The following HABP2 variants were observed in gnomAD, a reference collection of about 807,000 sequenced individuals.
HABP2 encodes the protein hyaluronan binding protein 2, also known as factor VII-activating protease.
Under a neutral mutation model 66.5 loss-of-function variants are expected in HABP2, and 65 were observed. The ratio of observed to expected loss-of-function variants is 0.98; its 90% CI spans 0.80 to 1.20. HABP2 has a LOEUF of 1.20. Among genes scored for constraint, HABP2 ranks in the 50% most tolerant of loss-of-function variants. HABP2 has a pLI of 0.00. For synonymous variants in HABP2, 263 were observed against 253.9 expected (o/e 1.04, Z -0.34); for missense variants, 786 against 691.0 (o/e 1.14, Z -1.54).
chr10:113,587,674 T>C (rs1356516825), intron 12 of HABP2, among the ~76,000 whole-genome samples: 1 of 152,184 alleles, frequency 6.6e-6, no homozygotes, highest in Non-Finnish European at 1.5e-5. Flanking sequence ...GGGTTTAATA[T>C]GAACCAGGCA....
At chr10:113,566,972 T>A (rs1232197949) in intron 1 of HABP2, among the ~76,000 whole-genome samples, 2 of 152,146 alleles carry the variant, frequency 1.3e-5, no homozygotes, top group Non-Finnish European at 2.9e-5. Flanking sequence ...GTTTTAAGCA[T>A]CTGTCCATCC....
chr10:113,581,800 C>A, intron 8 of HABP2, 76 bp from the exon 9 acceptor site: 1 of 1,482,870 alleles, frequency 6.7e-7, no homozygotes, highest in South Asian at 1.1e-5. Flanking sequence ...GGCTCAGAGT[C>A]ATACCTCTGC....
Position 113,578,007 on chromosome 10 carries a change from C to A in HABP2, c.449-19C>A. On this transcript the variant is annotated intron_variant, in intron 5 of 12. Transcript: ENST00000351270. The stretch of plus-strand genomic sequence containing the variant: ...ACTCCTTCTGAAGAGCCTTCCTGGC[C>A]CCATTCCTGTGTTCACAGTGGTTCC... 6.2e-7 allele frequency: 1 copy of A among 1,613,108 alleles called. No individual in the cohort carries two copies. The highest frequency in any genetic ancestry group is 1.7e-5 in the Admixed American group (1 of 59,892).
Position 113,588,472 on chromosome 10 carries a change from C to A in HABP2, c.*103C>A. On this transcript the variant is annotated 3_prime_UTR_variant, in exon 13 of 13. Coordinates refer to ENST00000351270, the MANE Select transcript of HABP2 (RefSeq NM_004132.5). ...CCTCCAGAGCCTCCAGGGGACCACA[C>A]AGTAGACTATCCCTACTCTAAGCAG... 4 of 804,502 alleles carry A rather than the reference C, an allele frequency of 5.0e-6. No homozygotes were observed. The highest frequency in any genetic ancestry group is 7.8e-6 in the Non-Finnish European group (4 of 513,778). 49.8% of individuals were successfully genotyped at this position (804,502 alleles called of 1,614,324 possible). A position where few individuals can be genotyped will look rare whatever the true frequency, so the allele number is the denominator to read the frequency against.
chr10:113,561,099 T>C (rs978655135), intron 1 of HABP2, among the ~76,000 whole-genome samples: 2 of 152,160 alleles, frequency 1.3e-5, no homozygotes, highest in African/African-American at 4.8e-5. Flanking sequence ...TAGTGTCTTC[T>C]AGGATAAAGT....
chr10:113,581,075 A>C (rs1592698773), intron 8 of HABP2, among the ~76,000 whole-genome samples: 1 of 152,198 alleles, frequency 6.6e-6, no homozygotes, highest in East Asian at 1.9e-4. Context: ...CCAGCCTCAC[A>C]GTCTTCCTGG....
At chr10:113,565,653 CGA>C (rs1845184716) in intron 1 of HABP2, among the ~76,000 whole-genome samples, 1 of 152,010 alleles carries the variant, frequency 6.6e-6, no homozygotes, top group African/African-American at 2.4e-5. Context: ...AATTTCAGCA[CGA>C]GGTTTGGAGA....
intron 12 of HABP2, among the ~76,000 whole-genome samples, chr10:113,587,950 T>A (rs976890001): frequency 2.0e-5 from 3 of 151,858 alleles, no homozygotes; most frequent in African/African-American, 4.8e-5. Context: ...CACTGAGAGT[T>A]GGGAAGTGCA....
chr10:113,553,888 A>G (rs1844943959), intron 1 of HABP2, among the ~76,000 whole-genome samples: 1 of 152,158 alleles, frequency 6.6e-6, no homozygotes, highest in African/African-American at 2.4e-5. Context: ...TCTGTGTGCC[A>G]TGGTCCAAGA....
chr10:113,580,514 C>T lies in HABP2; in HGVS notation c.741-81C>T, dbSNP rs2286743. The stretch of plus-strand genomic sequence containing the variant: ...CCAGGGGGAGCACAAGAGTCTAGCA[C>T]CTTCTTATCCAAAGGTTCTTTAATA... On this transcript the variant is annotated intron_variant, in intron 7 of 12. Transcript: ENST00000351270. 20,112 of 785,614 alleles carry T rather than the reference C, an allele frequency of 0.026. 1,450 individuals carry two copies. Among genetic ancestry groups the T allele is most frequent in the South Asian group, 0.17 (11,573 of 67,374 alleles). The allele number at this position is 785,614 out of a possible 1,614,324, so 48.7% of individuals were successfully genotyped here. A position where few individuals can be genotyped will look rare whatever the true frequency, so the allele number is the denominator to read the frequency against.
At chr10:113,574,438 G>T (rs1175362478) in intron 3 of HABP2, 33 bp downstream of exon 3, 1 of 1,073,958 alleles carries the variant, frequency 9.3e-7, no homozygotes. Context: ...GGACTCTCCT[G>T]GGAGAAGGTC....
chr10:113,583,963 G>A (rs1022049306), intron 10 of HABP2, among the ~76,000 whole-genome samples, 185 bp from the exon 11 acceptor site: 3 of 152,004 alleles, frequency 2.0e-5, no homozygotes, highest in Admixed American at 6.6e-5. Context: ...CATGACTCTC[G>A]CCCTGAAGTG....
At chr10:113,561,951 C>T (rs1425136595) in intron 1 of HABP2, among the ~76,000 whole-genome samples, 1 of 152,158 alleles carries the variant, frequency 6.6e-6, no homozygotes. Context: ...ATCCTTTTCT[C>T]CCTGCCTTCC....
At chr10:113,563,976 T>C (rs993983697) in intron 1 of HABP2, among the ~76,000 whole-genome samples, 2 of 152,096 alleles carry the variant, frequency 1.3e-5, no homozygotes, top group African/African-American at 4.8e-5. Flanking sequence ...GGGGTAACCT[T>C]TGTCCTTGAA....
chr10:113,574,386 C>T lies in HABP2; in HGVS notation c.204C>T (p.Tyr68=). Residue 68 remains tyrosine (Y), a synonymous_variant, in exon 3 of 13, where the codon TAC becomes TAT. Transcript: ENST00000351270. ...TLTHAENPDW[Y]YTEDQADPCQ... is the part of the protein sequence containing the mutation. ...CCCACGCTGAGAATCCTGACTGGTA[C>T]TACACTGAGGACCAAGCTGGTAGGT... 1 of 1,555,442 alleles carries T rather than the reference C, an allele frequency of 6.4e-7. No homozygotes were observed. The highest frequency in any genetic ancestry group is 8.9e-7 in the Non-Finnish European group (1 of 1,125,914).
Position 113,589,529 on chromosome 10 carries a change from G to T in HABP2, c.*1160G>T. 4.0e-6 allele frequency: 4 copies of T among 1,004,946 alleles called. No individual in the cohort carries two copies. Among genetic ancestry groups the T allele is most frequent in the South Asian group, 1.6e-5 (1 of 62,434 alleles). The allele number at this position is 1,004,946 out of a possible 1,614,324, so 62.3% of individuals were successfully genotyped here. On this transcript the variant is annotated 3_prime_UTR_variant, in exon 13 of 13. Coordinates refer to ENST00000351270, the MANE Select transcript of HABP2 (RefSeq NM_004132.5). ...TCATCTCAGACCCATGAAATTAGGC[G>T]CCTTGTTTGAGCTGCGTTTCACACT...
chr10:113,581,682 C>T lies in HABP2; in HGVS notation c.839-194C>T, dbSNP rs541858442. Among the ~76,000 whole-genome samples the T allele has an allele frequency of 1.7e-4, 26 of 152,360 alleles. 1 individual carries two copies. The highest frequency in any genetic ancestry group is 1.6e-3 in the Admixed American group (24 of 15,308). ...CTACATTGTTAATTCTATAGACTTG[C>T]TTTATGTTACGCAATGTATTCAACA... On this transcript the variant is annotated intron_variant, in intron 8 of 12. Coordinates refer to ENST00000351270, the MANE Select transcript of HABP2 (RefSeq NM_004132.5).
chr10:113,579,096 A>G (rs1402341811), intron 7 of HABP2, among the ~76,000 whole-genome samples: 32 of 120,820 alleles, frequency 2.6e-4, no homozygotes, highest in Non-Finnish European at 5.3e-4. Flanking sequence ...GTCTCTACCA[A>G]AAAAAAAAAA....
intron 2 of HABP2, among the ~76,000 whole-genome samples, chr10:113,573,831 T>A (rs1369945000): frequency 1.3e-5 from 2 of 152,166 alleles, no homozygotes; most frequent in Non-Finnish European, 2.9e-5. Flanking sequence ...TGAAGTCCCA[T>A]CAAGAAATAT....
Sources: allele counts gnomAD v4.1 joint callset (sites outside exome capture counted in the v4.1 genomes callset), GRCh38; gene constraint gnomAD v4.1.1; transcripts MANE v1.5; gene names NCBI Gene and HGNC (gene_info 2026-07-23, HGNC 2026-07-21).